The following RCSD1 variants were observed in gnomAD, a reference collection of about 807,000 sequenced individuals.
The protein encoded by RCSD1 is RCSD domain containing 1.
RCSD1 carries 26 observed loss-of-function variants against 42.5 expected under a neutral mutation model. The ratio of observed to expected loss-of-function variants is 0.61; its 90% CI spans 0.45 to 0.85. RCSD1 has a LOEUF of 0.85. RCSD1 is among the 40% of genes least tolerant of loss of function. The pLI, the probability that RCSD1 is intolerant of heterozygous loss-of-function variation, is 0.00. For synonymous variants in RCSD1, 220 were observed against 212.2 expected (o/e 1.04, Z -0.32); for missense variants, 571 against 528.3 (o/e 1.08, Z -0.79).
chr1:167,657,987 G>A (rs1658459850), intron 1 of RCSD1, among the ~76,000 whole-genome samples: 1 of 152,012 alleles, frequency 6.6e-6, no homozygotes. Flanking sequence ...GAGTGCAGTG[G>A]TGCGATCCTA....
intron 1 of RCSD1, among the ~76,000 whole-genome samples, chr1:167,672,063 A>G (rs1258118167): frequency 1.3e-5 from 2 of 151,932 alleles, no homozygotes; most frequent in African/African-American, 2.4e-5. Flanking sequence ...CCACAACTCA[A>G]TGTCAACTCC....
At chr1:167,636,856 G>A (rs375956125) in intron 1 of RCSD1, among the ~76,000 whole-genome samples, 3 of 152,282 alleles carry the variant, frequency 2.0e-5, no homozygotes, top group Admixed American at 6.5e-5. Flanking sequence ...AAAGTGCTGG[G>A]ATTACAGGCC....
At chr1:167,693,314 G>A (rs925443478) in intron 4 of RCSD1, among the ~76,000 whole-genome samples, 16 of 152,152 alleles carry the variant, frequency 1.1e-4, no homozygotes, top group Admixed American at 9.8e-4. Flanking sequence ...TCTCCCCATG[G>A]ACGCCTTCGG....
chr1:167,701,829 C>T (rs1659652968), intron 6 of RCSD1, among the ~76,000 whole-genome samples: 1 of 152,140 alleles, frequency 6.6e-6, no homozygotes, highest in South Asian at 2.1e-4. Flanking sequence ...AATCAAAATG[C>T]CTGAGTCACT....
intron 1 of RCSD1, among the ~76,000 whole-genome samples, chr1:167,656,603 A>T (rs1018826357): frequency 6.6e-6 from 1 of 152,204 alleles, no homozygotes; most frequent in African/African-American, 2.4e-5. Context: ...ACCCAATGTA[A>T]CACAGGTAGA....
intron 1 of RCSD1, among the ~76,000 whole-genome samples, chr1:167,650,799 G>A (rs998827448): frequency 2.0e-5 from 3 of 152,222 alleles, no homozygotes; most frequent in Non-Finnish European, 4.4e-5. Flanking sequence ...TGCGTGGTAC[G>A]ATGGGGTAAG....
At chr1:167,642,006 AC>A (rs1300665701) in intron 1 of RCSD1, 2 of 152,152 alleles carry the variant, frequency 1.3e-5, no homozygotes, top group Non-Finnish European at 2.9e-5. Context: ...TCCCTCTGAG[AC>A]CTAAGCTGTG....
chr1:167,669,987 A>ACACACG (rs10527489), intron 1 of RCSD1, among the ~76,000 whole-genome samples: 1 of 151,450 alleles, frequency 6.6e-6, no homozygotes, highest in South Asian at 2.1e-4. Context: ...ACCTCAGGAC[A>ACACACG]CACACGCACA....
chr1:167,649,296 C>A (rs1265471502), intron 1 of RCSD1, among the ~76,000 whole-genome samples: 3 of 152,118 alleles, frequency 2.0e-5, no homozygotes, highest in Admixed American at 2.0e-4. Context: ...ACCTCGAGAA[C>A]CTCTTCAGGG....
At chr1:167,664,503 T>C (rs1658606880) in intron 1 of RCSD1, 2 of 152,268 alleles carry the variant, frequency 1.3e-5, no homozygotes, top group Admixed American at 6.5e-5. Context: ...TGAGGTAAAA[T>C]ATATCTACAA....
chr1:167,643,928 C>G (rs1021225311), intron 1 of RCSD1, among the ~76,000 whole-genome samples: 2 of 152,176 alleles, frequency 1.3e-5, no homozygotes, highest in East Asian at 3.8e-4. Context: ...GACAAGAGGA[C>G]ATCTGAAGTT....
intron 1 of RCSD1, among the ~76,000 whole-genome samples, chr1:167,636,589 TG>T (rs756786789): frequency 1.3e-4 from 19 of 149,768 alleles, no homozygotes; most frequent in African/African-American, 4.4e-4. Context: ...TGTTTTTTTT[TG>T]TTTGTTTGTT....
intron 3 of RCSD1, 83 bp downstream of exon 3, chr1:167,685,593 C>T: frequency 9.4e-7 from 1 of 1,059,162 alleles, no homozygotes. Flanking sequence ...GAGGGGGCAC[C>T]AAACTCATAC....
intron 1 of RCSD1, among the ~76,000 whole-genome samples, chr1:167,667,490 TAAAG>T (rs1167192942): frequency 6.6e-6 from 1 of 152,246 alleles, no homozygotes; most frequent in East Asian, 1.9e-4. Flanking sequence ...CCACTCTAGA[TAAAG>T]AAACAAATTT....
chr1:167,684,142 C>G (rs1659160471), intron 2 of RCSD1, 141 bp downstream of exon 2: 14 of 677,434 alleles, frequency 2.1e-5, no homozygotes, highest in Non-Finnish European at 3.0e-5. Context: ...AGGGGTTTCT[C>G]TGAATGTGAG....
chr1:167,674,597 G>A lies in RCSD1; in HGVS notation c.7-9303G>A, dbSNP rs193087176. ...GAACATTTTCATCACTGAAAAAGAA[G>A]AAAGCCTGTAGGCTTTAGCTATCAC... On this transcript the variant is annotated intron_variant, in intron 1 of 6. Transcript: ENST00000367854. Among the ~76,000 whole-genome samples the A allele has an allele frequency of 2.1e-4, 32 of 152,298 alleles. No individual in the cohort carries two copies. In the East Asian group the frequency reaches 6.0e-3, roughly 28 times the overall value.
intron 3 of RCSD1, among the ~76,000 whole-genome samples, chr1:167,685,745 C>G (rs758438303): frequency 1.3e-5 from 2 of 152,102 alleles, no homozygotes; most frequent in South Asian, 4.2e-4. Flanking sequence ...GTCAAGGACA[C>G]GAACACTATT....
intron 1 of RCSD1, among the ~76,000 whole-genome samples, chr1:167,669,797 C>A (rs1398303278): frequency 6.6e-6 from 1 of 152,246 alleles, no homozygotes; most frequent in African/African-American, 2.4e-5. Flanking sequence ...GAGGGCCCAG[C>A]ACCATGTCCT....
intron 1 of RCSD1, chr1:167,663,359 T>G (rs1474584131): frequency 6.6e-6 from 1 of 152,362 alleles, no homozygotes; most frequent in Admixed American, 6.5e-5. Context: ...ACTAGCCAGC[T>G]GCACTGGACT....
Sources: allele counts gnomAD v4.1 joint callset (sites outside exome capture counted in the v4.1 genomes callset), GRCh38; gene constraint gnomAD v4.1.1; transcripts MANE v1.5; gene names NCBI Gene and HGNC (gene_info 2026-07-23, HGNC 2026-07-21).